MEGF10: variants seen among roughly 807,000 people sequenced by gnomAD.
MEGF10 encodes multiple EGF like domains 10, also known as multiple epidermal growth factor-like domains protein 10.
MEGF10 carries 86 observed loss-of-function variants against 147.5 expected under a neutral mutation model. The observed-to-expected ratio is 0.58, with a 90% confidence interval of 0.49 to 0.70. The LOEUF (loss-of-function observed/expected upper bound fraction) is 0.70, where lower values mean the gene tolerates loss of function less well. Among genes scored for constraint, MEGF10 ranks in the 30% least tolerant of loss-of-function variants. The pLI is 0.00. For synonymous variants in MEGF10, 478 were observed against 525.5 expected (o/e 0.91, Z 1.24); for missense variants, 1,329 against 1,487.3 (o/e 0.89, Z 1.75).
At chr5:127,257,503 G>C in the MEGF10 span, among the ~76,000 whole-genome samples, 1 of 152,072 alleles carries the variant, frequency 6.6e-6, no homozygotes, top group Non-Finnish European at 1.5e-5. Context: ...GCCATATTTT[G>C]TGGTACTGCT....
At chr5:127,436,980 G>A (rs149338564) in intron 16 of MEGF10, among the ~76,000 whole-genome samples, 127 of 152,244 alleles carry the variant, frequency 8.3e-4, no homozygotes, top group African/African-American at 2.7e-3. Flanking sequence ...CTATCTCTAC[G>A]TTTACCTTTT....
At chr5:127,238,115 G>A in the MEGF10 span, among the ~76,000 whole-genome samples, 6 of 150,646 alleles carry the variant, frequency 4.0e-5, no homozygotes, top group African/African-American at 1.5e-4. Context: ...GAGTGCAGTG[G>A]TGCAATCTTG....
intron 4 of MEGF10, among the ~76,000 whole-genome samples, chr5:127,369,604 A>T (rs534428506): frequency 6.6e-6 from 1 of 152,304 alleles, no homozygotes; most frequent in South Asian, 2.1e-4. Flanking sequence ...GGAATATTTG[A>T]TACTCACTGA....
At chr5:127,346,898 T>C (rs1761914994) in intron 4 of MEGF10, among the ~76,000 whole-genome samples, 1 of 152,134 alleles carries the variant, frequency 6.6e-6, no homozygotes, top group Non-Finnish European at 1.5e-5. Context: ...ATTCTGGGGA[T>C]GGAACTCAAG....
chr5:127,372,606 C>T (rs1762886437), intron 5 of MEGF10, among the ~76,000 whole-genome samples: 1 of 152,146 alleles, frequency 6.6e-6, no homozygotes, highest in Non-Finnish European at 1.5e-5. Flanking sequence ...TCAGTCTTTC[C>T]TTGTTTTCAT....
intron 12 of MEGF10, among the ~76,000 whole-genome samples, chr5:127,422,454 C>T (rs905630013): frequency 5.9e-5 from 9 of 152,060 alleles, no homozygotes; most frequent in Non-Finnish European, 1.2e-4. Flanking sequence ...GCCGAGGTTG[C>T]GCTGAGCTGA....
the MEGF10 span, among the ~76,000 whole-genome samples, chr5:127,244,019 A>G: frequency 6.6e-6 from 1 of 151,634 alleles, no homozygotes; most frequent in Admixed American, 6.6e-5. Flanking sequence ...TAACATGGAG[A>G]AACCCCGTCT....
chr5:127,300,187 AG>A (rs1396978451), intron 1 of MEGF10: 1 of 152,142 alleles, frequency 6.6e-6, no homozygotes, highest in East Asian at 1.9e-4. Flanking sequence ...GGGTGGCGAA[AG>A]GACTGTGCTA....
At chr5:127,449,757 T>C (rs1256194144) in intron 22 of MEGF10, among the ~76,000 whole-genome samples, 5 of 152,166 alleles carry the variant, frequency 3.3e-5, no homozygotes, top group African/African-American at 1.2e-4. Flanking sequence ...CCAACAGGAA[T>C]ACAGTGGATC....
Position 127,419,167 on chromosome 5 carries a change from CTG to C in MEGF10, c.1355_1356del (p.Cys452PhefsTer7). ...PCPLGTYGIN[C>X]SSRCGCKNDA... ...GCCCTCTGGGAACCTATGGGATAAA[CTG>C]TTCCTCTCGCTGTGGCTGTAAAAAT... is the stretch of plus-strand genomic sequence containing the variant. On this transcript the variant is annotated frameshift_variant, in exon 11 of 25. Transcript: ENST00000503335. LOFTEE classifies it high-confidence loss of function. 2 of 1,614,166 alleles carry C rather than the reference CTG, an allele frequency of 1.2e-6. No homozygotes were observed. Among genetic ancestry groups the C allele is most frequent in the Non-Finnish European group, 1.7e-6 (2 of 1,179,998 alleles).
the MEGF10 span, among the ~76,000 whole-genome samples, chr5:127,271,081 A>T: frequency 6.6e-6 from 1 of 152,206 alleles, no homozygotes; most frequent in Non-Finnish European, 1.5e-5. Flanking sequence ...TATACCCAGT[A>T]ATGGGATGGC....
chr5:127,418,244 A>C (rs1764853680), intron 10 of MEGF10, among the ~76,000 whole-genome samples: 2 of 152,214 alleles, frequency 1.3e-5, no homozygotes. Flanking sequence ...ATAAGTTTTT[A>C]GGTCCCTTTG....
chr5:127,422,941 T>A (rs1765073967), intron 13 of MEGF10, among the ~76,000 whole-genome samples, 169 bp downstream of exon 13: 1 of 152,232 alleles, frequency 6.6e-6, no homozygotes, highest in Non-Finnish European at 1.5e-5. Context: ...AGGACTGATT[T>A]TTTGTTGATT....
At chr5:127,455,082 A>T (rs1028617792) in intron 23 of MEGF10, among the ~76,000 whole-genome samples, 2 of 152,178 alleles carry the variant, frequency 1.3e-5, no homozygotes, top group Non-Finnish European at 2.9e-5. Flanking sequence ...GGCCATCAAC[A>T]GCTGGTTTCT....
chr5:127,350,396 G>A (rs929350105), intron 4 of MEGF10, among the ~76,000 whole-genome samples: 2 of 152,080 alleles, frequency 1.3e-5, no homozygotes, highest in African/African-American at 4.8e-5. Context: ...GTCTGTTAAT[G>A]TCTGTTCCCT....
intron 1 of MEGF10, among the ~76,000 whole-genome samples, chr5:127,314,140 C>T (rs1760421191): frequency 6.6e-6 from 1 of 152,312 alleles, no homozygotes; most frequent in South Asian, 2.1e-4. Flanking sequence ...ATGGATCCCA[C>T]TCTGTTATTT....
intron 4 of MEGF10, among the ~76,000 whole-genome samples, chr5:127,366,385 T>C (rs1356725518): frequency 6.6e-6 from 1 of 152,214 alleles, no homozygotes; most frequent in African/African-American, 2.4e-5. Flanking sequence ...GCGAGTCTAA[T>C]GTGTGAAGAT....
chr5:127,329,466 AT>A (rs370961265), intron 1 of MEGF10, among the ~76,000 whole-genome samples: 381 of 152,018 alleles, frequency 2.5e-3, no homozygotes, highest in African/African-American at 8.8e-3. Flanking sequence ...ATATTTCCTC[AT>A]TTGATCTGTC....
chr5:127,426,550 A>C (rs1379601173), intron 13 of MEGF10, among the ~76,000 whole-genome samples: 4 of 152,170 alleles, frequency 2.6e-5, no homozygotes, highest in Non-Finnish European at 5.9e-5. Flanking sequence ...TGCTTCTCCT[A>C]CACCTCTGGA....
Sources: gnomAD v4.1 joint callset for allele counts (sites outside exome capture counted in the v4.1 genomes callset) on GRCh38, gnomAD v4.1.1 for gene constraint, MANE v1.5 for transcripts, NCBI Gene and HGNC (gene_info 2026-07-23, HGNC 2026-07-21) for gene names.